The following PRKAR1B variants were observed in gnomAD, a reference collection of about 807,000 sequenced individuals.
PRKAR1B encodes the protein cAMP-dependent protein kinase type I-beta regulatory subunit.
Under a neutral mutation model 46.5 loss-of-function variants are expected in PRKAR1B, and 22 were observed. That is an observed-to-expected ratio of 0.47 (90% CI 0.34 to 0.68). The LOEUF is 0.68. Among genes scored for constraint, PRKAR1B ranks in the 30% least tolerant of loss-of-function variants. The pLI, the probability that PRKAR1B is intolerant of heterozygous loss-of-function variation, is 0.01. For synonymous variants in PRKAR1B, 259 were observed against 217.7 expected, an observed-to-expected ratio of 1.19 and a Z score of -1.67; for missense variants, 445 against 535.6, an observed-to-expected ratio of 0.83 and a Z score of 1.67.
intron 2 of PRKAR1B, 57 bp downstream of exon 2, chr7:711,272 C>CCGCCTCTGCCCCAGGA: frequency 6.3e-7 from 1 of 1,592,366 alleles, no homozygotes; most frequent in Non-Finnish European, 8.6e-7. Flanking sequence ...TCCCCGGCTG[C>CCGCCTCTGCCCCAGGA]CGCCTCTGCC....
chr7:613,244 T>G (rs531129210), intron 4 of PRKAR1B, among the ~76,000 whole-genome samples: 16 of 151,420 alleles, frequency 1.1e-4, no homozygotes, highest in Admixed American at 5.9e-4. Flanking sequence ...TTCTTTTGTT[T>G]TTTTTTTTTT....
intron 4 of PRKAR1B, among the ~76,000 whole-genome samples, chr7:640,844 T>C (rs2128484845): frequency 6.7e-6 from 1 of 149,300 alleles, no homozygotes; most frequent in Middle Eastern, 3.4e-3. Flanking sequence ...TCCACTAGAA[T>C]GACTACAATA....
rs1036442813 is a variant in PRKAR1B, at chr7:683,241, C to T, written c.178-2515G>A. On this transcript the variant is annotated intron_variant, in intron 2 of 10. Transcript: ENST00000537384. ...TCCTGGGGTCTGACAGATGCAGACA[C>T]CACGTGAATGCCAAGGCCGGGGTGC... is the stretch of plus-strand genomic sequence containing the variant. 1.9e-4 allele frequency among the ~76,000 whole-genome samples: 29 copies of T among 152,198 alleles called. 1 individual carries two copies.
intron 4 of PRKAR1B, among the ~76,000 whole-genome samples, chr7:616,286 G>A (rs543500004): frequency 6.6e-6 from 1 of 152,256 alleles, no homozygotes; most frequent in Non-Finnish European, 1.5e-5. Context: ...GCCTGGAGAG[G>A]TCAGAGATCT....
chr7:655,954 G>A (rs1441650229), intron 4 of PRKAR1B, among the ~76,000 whole-genome samples: 5 of 152,158 alleles, frequency 3.3e-5, no homozygotes, highest in Admixed American at 6.6e-5. Flanking sequence ...GTCTGCCCCC[G>A]CGTAAGTGGT....
At chr7:697,823 T>G (rs1475322707) in intron 2 of PRKAR1B, among the ~76,000 whole-genome samples, 1 of 146,602 alleles carries the variant, frequency 6.8e-6, no homozygotes, top group Non-Finnish European at 1.5e-5. Flanking sequence ...ACTGAGCACC[T>G]ATTGTGTACC....
At chr7:573,446 C>T (rs1428920906) in intron 9 of PRKAR1B, among the ~76,000 whole-genome samples, 1 of 152,050 alleles carries the variant, frequency 6.6e-6, no homozygotes, top group Admixed American at 6.5e-5. Context: ...AGAGCCTTTC[C>T]GGGAAGCCTG....
At chr7:574,379 G>T (rs1003515620) in intron 9 of PRKAR1B, among the ~76,000 whole-genome samples, 2 of 152,256 alleles carry the variant, frequency 1.3e-5, no homozygotes, top group African/African-American at 4.8e-5. Flanking sequence ...CAGCTGGGTA[G>T]GGCCAGACAG....
intron 4 of PRKAR1B, among the ~76,000 whole-genome samples, chr7:612,206 G>A (rs151008661): frequency 0.04 from 5,715 of 143,898 alleles, 250 homozygotes; most frequent in Non-Finnish European, 0.056. Context: ...GTAGATCAAC[G>A]GATGGATGGA....
intron 7 of PRKAR1B, among the ~76,000 whole-genome samples, chr7:587,837 C>T (rs1211530213): frequency 2.0e-5 from 3 of 152,156 alleles, no homozygotes; most frequent in Admixed American, 6.5e-5. Flanking sequence ...GAAAACAGCT[C>T]AAGGGGGAAG....
At chr7:574,470 G>A (rs1355571914) in intron 9 of PRKAR1B, among the ~76,000 whole-genome samples, 6 of 151,224 alleles carry the variant, frequency 4.0e-5, no homozygotes, top group Non-Finnish European at 1.5e-5. Context: ...TTTGAGACAG[G>A]CTCTTGCTCT....
chr7:674,065 C>T (rs1467065281), intron 4 of PRKAR1B, among the ~76,000 whole-genome samples: 2 of 152,228 alleles, frequency 1.3e-5, no homozygotes, highest in African/African-American at 4.8e-5. Context: ...CAGGGCCACC[C>T]GCCCACCTCG....
At chr7:656,266 G>T (rs556827027) in intron 4 of PRKAR1B, among the ~76,000 whole-genome samples, 1 of 150,864 alleles carries the variant, frequency 6.6e-6, no homozygotes, top group Non-Finnish European at 1.5e-5. Context: ...GGATGGGTGG[G>T]TGAATGCATG....
At chr7:691,424 G>A (rs1779418891) in intron 2 of PRKAR1B, 1 of 1,159,754 alleles carries the variant, frequency 8.6e-7, no homozygotes, top group Non-Finnish European at 1.2e-6. Flanking sequence ...GGTGCAGGAG[G>A]GTGGCTTTGA....
chr7:643,521 G>A (rs1373457869), intron 4 of PRKAR1B, among the ~76,000 whole-genome samples: 2 of 151,340 alleles, frequency 1.3e-5, no homozygotes, highest in South Asian at 2.1e-4. Context: ...TTGGGAGTTC[G>A]AGACCAGTCT....
intron 7 of PRKAR1B, among the ~76,000 whole-genome samples, chr7:584,837 A>G (rs9330365): frequency 0.63 from 96,084 of 151,958 alleles, 31,272 homozygotes; most frequent in East Asian, 0.84. Context: ...CCACCCAGCC[A>G]GGACCCGTGG....
At chr7:652,078 C>G (rs1392255322) in intron 4 of PRKAR1B, among the ~76,000 whole-genome samples, 66 of 93,002 alleles carry the variant, frequency 7.1e-4, no homozygotes, top group Non-Finnish European at 8.0e-4. Context: ...CCTCTCGGAA[C>G]ACAGTTCACA....
intron 1 of PRKAR1B, among the ~76,000 whole-genome samples, chr7:724,728 T>C (rs946391896): frequency 6.6e-6 from 1 of 152,194 alleles, no homozygotes; most frequent in Non-Finnish European, 1.5e-5. Context: ...GTTAAACACA[T>C]ACTAATTTAT....
chr7:577,964 TG>T (rs1779953508), intron 9 of PRKAR1B, among the ~76,000 whole-genome samples: 1 of 152,104 alleles, frequency 6.6e-6, no homozygotes, highest in South Asian at 2.1e-4. Context: ...CATTAAGGGG[TG>T]GGTTATACAC....
Sources: gnomAD v4.1 joint callset for allele counts (sites outside exome capture counted in the v4.1 genomes callset) on GRCh38, gnomAD v4.1.1 for gene constraint, MANE v1.5 for transcripts, NCBI Gene and HGNC (gene_info 2026-07-23, HGNC 2026-07-21) for gene names.